The following RC3H2 variants were observed in gnomAD, a reference collection of about 807,000 sequenced individuals.
RC3H2 encodes the protein roquin-2.
In RC3H2, 31 loss-of-function variants were observed where a neutral mutation model predicts 133.3. The observed-to-expected ratio is 0.23, with a 90% CI of 0.17 to 0.31. RC3H2 has a LOEUF of 0.31. Ranked by LOEUF, RC3H2 falls within the 10% of genes least tolerant of loss-of-function variation. The pLI is 1.00. For missense variants in RC3H2, 1,175 were observed against 1,437.2 expected, an observed-to-expected ratio of 0.82 and a Z score of 2.95; for synonymous variants, 517 against 502.2, an observed-to-expected ratio of 1.03 and a Z score of -0.40.
intron 13 of RC3H2, among the ~76,000 whole-genome samples, chr9:122,857,091 G>A (rs903284499): frequency 5.3e-5 from 8 of 152,172 alleles, no homozygotes; most frequent in Non-Finnish European, 5.9e-5. Context: ...AGGGGGAAGA[G>A]GGGGTATAAA....
intron 2 of RC3H2, 42 bp from the exon 3 acceptor site, chr9:122,893,068 T>A (rs1229214562): frequency 6.3e-7 from 1 of 1,580,936 alleles, no homozygotes; most frequent in Non-Finnish European, 8.6e-7. Flanking sequence ...AATACATTCA[T>A]CCAGCTCATG....
chr9:122,866,484 C>T (rs112227631), intron 9 of RC3H2, among the ~76,000 whole-genome samples: 3,540 of 151,382 alleles, frequency 0.023, 65 homozygotes, highest in Non-Finnish European at 0.038. Flanking sequence ...GCTGCCATCT[C>T]GGCTCACTGC....
chr9:122,875,356 A>G (rs1214738656), intron 9 of RC3H2: 1 of 1,550,156 alleles, frequency 6.5e-7, no homozygotes, highest in Non-Finnish European at 8.7e-7. Flanking sequence ...GATATAGTCC[A>G]CGGGGGTTAC....
rs1276213980 is a variant in RC3H2, at chr9:122,897,399, A to G, written c.111T>C (p.Val37=). 1.2e-6 allele frequency: 2 copies of G among 1,614,236 alleles called. No individual in the cohort carries two copies. Among genetic ancestry groups the G allele is most frequent in the Non-Finnish European group, 1.7e-6 (2 of 1,180,046 alleles). Residue 37 remains valine, a synonymous_variant, in exon 2 of 21, where the codon GTT becomes GTC. Coordinates refer to ENST00000357244, the MANE Select transcript of RC3H2 (RefSeq NM_001100588.3). ...KPISLGCSHT[V]CKTCLNKLHR... ...GAAGTTTATTCAAGCAGGTCTTGCAAACAGTGTGTGAACAACCTAAACTGA... is the reference window on the plus strand; with the variant it reads ...GAAGTTTATTCAAGCAGGTCTTGCAGACAGTGTGTGAACAACCTAAACTGA...
intron 11 of RC3H2, among the ~76,000 whole-genome samples, chr9:122,859,341 T>C (rs994772616): frequency 7.1e-6 from 1 of 141,628 alleles, no homozygotes; most frequent in African/African-American, 2.6e-5. Context: ...GTGATTCTCC[T>C]GGGCCTCCCA....
At chr9:122,882,757 G>T (rs943008869) in intron 5 of RC3H2, among the ~76,000 whole-genome samples, 4 of 152,162 alleles carry the variant, frequency 2.6e-5, no homozygotes, top group African/African-American at 9.7e-5. Flanking sequence ...TTTCCTGGTT[G>T]TATCTGAGAT....
chr9:122,851,297 C>T, intron 19 of RC3H2, 26 bp downstream of exon 19: 1 of 1,612,076 alleles, frequency 6.2e-7, no homozygotes, highest in Non-Finnish European at 8.5e-7. Flanking sequence ...AACAAAGCCT[C>T]TCAATTATCT....
rs773150623 is a variant in RC3H2, at chr9:122,853,960, T to G, written c.3109A>C (p.Asn1037His). The G allele has an allele frequency of 6.2e-7, 1 of 1,614,076 alleles. No individual in the cohort carries two copies. Among genetic ancestry groups the G allele is most frequent in the Non-Finnish European group, 8.5e-7 (1 of 1,180,034 alleles). The change falls in exon 18 of 21, where the codon AAT becomes CAT. Residue 1037 changes from asparagine to histidine, a missense_variant. Asn to His is a moderately conservative substitution (Grantham distance 68, BLOSUM62 1). This residue lies in a region of RC3H2 where 220 missense variants were observed against 201.1 expected (regional missense o/e 1.09). Coordinates refer to ENST00000357244, the MANE Select transcript of RC3H2 (RefSeq NM_001100588.3). The stretch of plus-strand genomic sequence containing the variant: ...AGGTTCAGTTTCTTTACCTCTCCAT[T>G]TCTTAGTTCAATTTCCTTGCTTAAA... The part of the protein sequence containing the change: ...NLLSKEIELR[N>H]GELQSDYTED...
intron 4 of RC3H2, among the ~76,000 whole-genome samples, chr9:122,884,153 C>T (rs990481873): frequency 1.3e-5 from 2 of 152,020 alleles, no homozygotes; most frequent in Admixed American, 6.6e-5. Flanking sequence ...ATTAGCTGGA[C>T]GTGGTGGCAG....
chr9:122,878,890 A>G (rs1386251300), intron 8 of RC3H2, among the ~76,000 whole-genome samples: 1 of 149,362 alleles, frequency 6.7e-6, no homozygotes, highest in African/African-American at 2.4e-5. Flanking sequence ...TTGGGATTAC[A>G]GGCATCCACC....
chr9:122,890,245 G>A, intron 4 of RC3H2, 67 bp downstream of exon 4: 1 of 1,131,420 alleles, frequency 8.8e-7, no homozygotes, highest in Non-Finnish European at 1.3e-6. Flanking sequence ...GATTCACCGA[G>A]CTCCAGAAAT....
At chr9:122,851,279 T>C (rs1023631599) in intron 19 of RC3H2, 44 bp downstream of exon 19, 3 of 1,611,968 alleles carry the variant, frequency 1.9e-6, no homozygotes, top group Non-Finnish European at 2.5e-6. Flanking sequence ...TTTATAAATT[T>C]TCAATCAAAC....
chr9:122,862,891 C>CAAA (rs1168612532), intron 10 of RC3H2, among the ~76,000 whole-genome samples: 8 of 48,040 alleles, frequency 1.7e-4, no homozygotes, highest in East Asian at 6.1e-4. Flanking sequence ...GACTCCATCT[C>CAAA]AAAAAAAAAA....
intron 4 of RC3H2, among the ~76,000 whole-genome samples, chr9:122,884,093 T>G (rs1481245822): frequency 6.6e-6 from 1 of 151,914 alleles, no homozygotes; most frequent in Admixed American, 6.6e-5. Flanking sequence ...AGGAGATCGA[T>G]ACCATCCTGG....
intron 1 of RC3H2, among the ~76,000 whole-genome samples, chr9:122,901,586 C>CTTTTT (rs11309716): frequency 1.0e-4 from 12 of 120,006 alleles, no homozygotes; most frequent in African/African-American, 9.7e-5. Context: ...CCAATGCATT[C>CTTTTT]TTTTTTTTTT....
intron 9 of RC3H2, among the ~76,000 whole-genome samples, chr9:122,872,730 G>A (rs1210533604): frequency 3.3e-5 from 5 of 152,024 alleles, no homozygotes; most frequent in African/African-American, 4.8e-5. Context: ...GATTACAGGC[G>A]TGCACCACCA....
intron 9 of RC3H2, among the ~76,000 whole-genome samples, chr9:122,870,055 C>T (rs962318009): frequency 5.9e-5 from 9 of 152,046 alleles, no homozygotes; most frequent in Non-Finnish European, 8.8e-5. Flanking sequence ...TACAGAATAT[C>T]GTGTCTCCTT....
At position 122,853,427 on chromosome 9, in the gene RC3H2, C is replaced by T. The variant is rs142330394; in HGVS notation, c.3117+525G>A. On this transcript the variant is annotated intron_variant, in intron 18 of 20. Coordinates refer to ENST00000357244, the MANE Select transcript of RC3H2 (RefSeq NM_001100588.3). Reference sequence around the variant, plus strand: ...AATACTGATTTTATACCTGTGGAACCTGGGGTTTCCCTTTTAAATTAAAGT... The same window carrying T: ...AATACTGATTTTATACCTGTGGAACTTGGGGTTTCCCTTTTAAATTAAAGT... Among the ~76,000 whole-genome samples, 191 of 150,814 alleles carry T rather than the reference C, an allele frequency of 1.3e-3. 3 individuals are homozygous for T. In the East Asian group the frequency reaches 0.036, roughly 28 times the overall value.
intron 6 of RC3H2, 182 bp downstream of exon 6, chr9:122,880,412 C>A: frequency 1.5e-6 from 1 of 671,862 alleles, no homozygotes; most frequent in Non-Finnish European, 2.5e-6. Context: ...GTATTTGTTT[C>A]CCTGTTGCAT....
Sources: gnomAD v4.1 joint callset for allele counts (sites outside exome capture counted in the v4.1 genomes callset) on GRCh38, gnomAD v4.1.1 for gene constraint, gnomAD v4.1.1 regional missense constraint, MANE v1.5 for transcripts, NCBI Gene and HGNC (gene_info 2026-07-23, HGNC 2026-07-21) for gene names.